The following GPR149 variants were observed in gnomAD, a reference collection of about 807,000 sequenced individuals.
GPR149 encodes G protein-coupled receptor 149.
GPR149 carries 50 observed loss-of-function variants against 50.2 expected under a neutral mutation model. That is an observed-to-expected ratio of 1.00 (90% confidence interval 0.79 to 1.26). GPR149 has a LOEUF of 1.26. Among genes scored for constraint, GPR149 ranks in the 50% most tolerant of loss-of-function variants. GPR149 has a pLI of 0.00. For synonymous variants in GPR149, 405 were observed against 358.2 expected (o/e 1.13, Z -1.48); for missense variants, 983 against 895.4 (o/e 1.10, Z -1.25).
intron 3 of GPR149, among the ~76,000 whole-genome samples, chr3:154,415,321 C>T (rs921451733): frequency 1.3e-5 from 2 of 151,880 alleles, no homozygotes; most frequent in Non-Finnish European, 2.9e-5. Flanking sequence ...AGAACGTGAG[C>T]AGTTAGAGCT....
intron 3 of GPR149, 148 bp from the exon 4 acceptor site, chr3:154,338,419 C>T (rs1400163357): frequency 6.1e-6 from 4 of 656,986 alleles, no homozygotes; most frequent in Non-Finnish European, 9.9e-6. Context: ...GATTTAAATA[C>T]TGCCACCAAA....
chr3:154,383,419 C>G (rs565282162), intron 3 of GPR149, among the ~76,000 whole-genome samples: 1 of 152,236 alleles, frequency 6.6e-6, no homozygotes, highest in East Asian at 1.9e-4. Flanking sequence ...AGATTTATTT[C>G]CTAGGAAGGA....
intron 3 of GPR149, among the ~76,000 whole-genome samples, chr3:154,339,005 A>T (rs1325353767): frequency 6.6e-6 from 1 of 152,174 alleles, no homozygotes; most frequent in Non-Finnish European, 1.5e-5. Context: ...GAAATGAAGA[A>T]AATAAGATTG....
At chr3:154,364,277 C>G (rs1714480943) in intron 3 of GPR149, among the ~76,000 whole-genome samples, 1 of 152,206 alleles carries the variant, frequency 6.6e-6, no homozygotes, top group African/African-American at 2.4e-5. Context: ...TAAGTTACAA[C>G]ATGAGTTTTG....
intron 2 of GPR149, among the ~76,000 whole-genome samples, chr3:154,422,503 C>T (rs73000790): frequency 0.045 from 6,724 of 151,008 alleles, 503 homozygotes; most frequent in African/African-American, 0.15. Flanking sequence ...TAGCTATCTT[C>T]GATAGAAAAA....
intron 3 of GPR149, among the ~76,000 whole-genome samples, chr3:154,401,418 GC>G (rs1403805407): frequency 6.6e-6 from 1 of 152,168 alleles, no homozygotes; most frequent in Non-Finnish European, 1.5e-5. Context: ...AAATCAGATG[GC>G]ATATTTTTGC....
At chr3:154,397,943 T>C (rs1488586950) in intron 3 of GPR149, among the ~76,000 whole-genome samples, 1 of 151,410 alleles carries the variant, frequency 6.6e-6, no homozygotes, top group African/African-American at 2.4e-5. Flanking sequence ...TTTGTAAAAA[T>C]CAACCAAAGT....
At chr3:154,388,132 G>C (rs1220127811) in intron 3 of GPR149, among the ~76,000 whole-genome samples, 2 of 151,994 alleles carry the variant, frequency 1.3e-5, no homozygotes, top group Admixed American at 1.3e-4. Context: ...TGTTTTTCAG[G>C]TTATTTTGGA....
At chr3:154,355,175 G>A (rs756153400) in intron 3 of GPR149, among the ~76,000 whole-genome samples, 19 of 152,018 alleles carry the variant, frequency 1.2e-4, no homozygotes, top group Non-Finnish European at 2.4e-4. Context: ...TTACAGGTCC[G>A]TGCCACCAGG....
chr3:154,352,254 C>A, intron 3 of GPR149: 1 of 849,420 alleles, frequency 1.2e-6, no homozygotes, highest in South Asian at 1.6e-5. Flanking sequence ...ACCTGATAGG[C>A]CACCAGATGG....
intron 3 of GPR149, among the ~76,000 whole-genome samples, chr3:154,368,680 A>T (rs1270040790): frequency 6.6e-6 from 1 of 152,170 alleles, no homozygotes; most frequent in African/African-American, 2.4e-5. Flanking sequence ...GCCTTAAGAG[A>T]GGGGCTTACT....
At chr3:154,411,264 T>C (rs1175333932) in intron 3 of GPR149, among the ~76,000 whole-genome samples, 1 of 152,118 alleles carries the variant, frequency 6.6e-6, no homozygotes, top group Non-Finnish European at 1.5e-5. Flanking sequence ...ATAGACAATG[T>C]GAGGTCACAC....
At chr3:154,342,663 C>A (rs1352475020) in intron 3 of GPR149, among the ~76,000 whole-genome samples, 1 of 152,178 alleles carries the variant, frequency 6.6e-6, no homozygotes, top group East Asian at 1.9e-4. Flanking sequence ...CCCTCCTCAG[C>A]CTCCCAAAGT....
intron 3 of GPR149, among the ~76,000 whole-genome samples, chr3:154,347,829 A>G (rs1713971561): frequency 6.6e-6 from 1 of 152,220 alleles, no homozygotes; most frequent in African/African-American, 2.4e-5. Flanking sequence ...TTTTAAAATC[A>G]TACGTGGAAA....
At chr3:154,347,804 G>A (rs866073724) in intron 3 of GPR149, among the ~76,000 whole-genome samples, 1 of 152,184 alleles carries the variant, frequency 6.6e-6, no homozygotes, top group Non-Finnish European at 1.5e-5. Context: ...GTGGAAGGGA[G>A]CACCAATAGA....
chr3:154,353,004 G>A (rs1378801157), intron 3 of GPR149: 2 of 1,246,406 alleles, frequency 1.6e-6, no homozygotes, highest in Non-Finnish European at 2.4e-6. Context: ...CACATTGGTT[G>A]CCACCAAAAC....
rs973319288 is a variant in GPR149 at position 154,400,112 on chromosome 3, G to A, written c.1623+20927C>T. ...CGCCATTCTCCTGCCTCAGCCTCCCGAGTAGCTGGGACTATAGGCGCCCGC... is the reference window on the plus strand; with the variant it reads ...CGCCATTCTCCTGCCTCAGCCTCCCAAGTAGCTGGGACTATAGGCGCCCGC... On this transcript the variant is annotated intron_variant, in intron 3 of 3. Coordinates refer to ENST00000389740, the MANE Select transcript of GPR149 (RefSeq NM_001038705.3). Among the ~76,000 whole-genome samples, 135 of 151,900 alleles carry A rather than the reference G, an allele frequency of 8.9e-4. 1 individual carries two copies. The highest frequency in any genetic ancestry group is 3.2e-3 in the African/African-American group (131 of 41,460).
intron 3 of GPR149, among the ~76,000 whole-genome samples, chr3:154,361,317 C>T (rs1328461645): frequency 6.6e-6 from 1 of 152,118 alleles, no homozygotes; most frequent in Non-Finnish European, 1.5e-5. Context: ...GTGAAAATGG[C>T]ATATTCAACT....
At chr3:154,354,570 C>CT (rs919279964) in intron 3 of GPR149, 573 of 169,384 alleles carry the variant, frequency 3.4e-3, no homozygotes, top group Middle Eastern at 7.9e-3. Context: ...TTTCCTTTTC[C>CT]TTTTTTTTTT....
Sources: allele counts gnomAD v4.1 joint callset (sites outside exome capture counted in the v4.1 genomes callset), GRCh38; gene constraint gnomAD v4.1.1; transcripts MANE v1.5; gene names NCBI Gene and HGNC (gene_info 2026-07-23, HGNC 2026-07-21).